The following CYP39A1 variants were observed in gnomAD, a reference collection of about 807,000 sequenced individuals.
CYP39A1 encodes 24-hydroxycholesterol 7-alpha-hydroxylase.
In CYP39A1, 49 loss-of-function variants were observed where a neutral mutation model predicts 58.1. The ratio of observed to expected loss-of-function variants is 0.84; its 90% confidence interval spans 0.67 to 1.07. The LOEUF (loss-of-function observed/expected upper bound fraction) is 1.07, where lower values mean the gene tolerates loss of function less well. CYP39A1 is among the 50% of genes least tolerant of loss of function. The pLI, the probability that CYP39A1 is intolerant of heterozygous loss-of-function variation, is 0.00. For missense variants in CYP39A1, 531 were observed against 539.4 expected, an observed-to-expected ratio of 0.98 and a Z score of 0.16; for synonymous variants, 209 against 187.6, an observed-to-expected ratio of 1.11 and a Z score of -0.93.
Position 46,652,748 on chromosome 6 carries a change from G to A in CYP39A1, c.-166C>T, listed in dbSNP as rs907635499. ...CTTCCTTCCTCTGTCCCAGTTTTCAGGTGATTTTTCCATTGTCGCTCCCTC... is the reference window on the plus strand; with the variant it reads ...CTTCCTTCCTCTGTCCCAGTTTTCAAGTGATTTTTCCATTGTCGCTCCCTC... On this transcript the variant is annotated 5_prime_UTR_variant, in exon 1 of 12. Coordinates refer to ENST00000275016, the MANE Select transcript of CYP39A1 (RefSeq NM_016593.5). The A allele has an allele frequency of 1.7e-6, 1 of 602,832 alleles. No homozygotes were observed. The highest frequency in any genetic ancestry group is 2.8e-5 in the South Asian group (1 of 35,948). The allele number at this position is 602,832 out of a possible 1,614,324, so 37.3% of individuals were successfully genotyped here.
chr6:46,652,368 T>C, intron 1 of CYP39A1, 38 bp downstream of exon 1: 1 of 1,554,540 alleles, frequency 6.4e-7, no homozygotes, highest in African/African-American at 1.4e-5. Context: ...AAGAAAGCAT[T>C]GTCTCCTCTG....
intron 7 of CYP39A1, among the ~76,000 whole-genome samples, chr6:46,607,125 T>G (rs114418020): frequency 1.3e-5 from 2 of 152,122 alleles, no homozygotes; most frequent in African/African-American, 4.8e-5. Flanking sequence ...TACGCCACAT[T>G]GCTTCCTCAA....
chr6:46,642,598 C>A (rs1170455511), intron 1 of CYP39A1, among the ~76,000 whole-genome samples: 1 of 151,902 alleles, frequency 6.6e-6, no homozygotes, highest in African/African-American at 2.4e-5. Flanking sequence ...ATTATATCAA[C>A]ATTGTGACAT....
chr6:46,642,310 C>T lies in CYP39A1; in HGVS notation c.178-12G>A. 1 of 1,607,696 alleles carries T rather than the reference C, an allele frequency of 6.2e-7. No homozygotes were observed. The highest frequency in any genetic ancestry group is 2.2e-5 in the East Asian group (1 of 44,624). On this transcript the variant is annotated splice_polypyrimidine_tract_variant and intron_variant, in intron 1 of 11. Transcript: ENST00000275016. The stretch of plus-strand genomic sequence containing the variant: ...AATATTGGTCCATACTGAAATAAAA[C>T]AAACATAGATTATATTAGTAAGCAT...
chr6:46,571,608 G>A (rs1582311676), intron 10 of CYP39A1, among the ~76,000 whole-genome samples: 1 of 150,500 alleles, frequency 6.6e-6, no homozygotes, highest in South Asian at 2.1e-4. Context: ...GCCTATATGT[G>A]TCCTCAAGGG....
rs182053335 is a variant in CYP39A1, at chr6:46,628,366, G to A, written c.840+2597C>T. The stretch of plus-strand genomic sequence containing the variant: ...ATACTGTGGGAGTTGAGAGTGGGAT[G>A]GGGTAGCAATTGCTACTGAAAGTAT... On this transcript the variant is annotated intron_variant, in intron 6 of 11. Transcript: ENST00000275016. Among the ~76,000 whole-genome samples the A allele has an allele frequency of 5.7e-3, 866 of 152,238 alleles. 10 individuals carry two copies. Among genetic ancestry groups the A allele is most frequent in the African/African-American group, 0.019 (807 of 41,532 alleles).
Position 46,550,354 on chromosome 6 carries a change from G to T in CYP39A1, c.*12C>A. The T allele has an allele frequency of 6.2e-7, 1 of 1,611,608 alleles. No individual in the cohort carries two copies. On this transcript the variant is annotated 3_prime_UTR_variant, in exon 12 of 12. Coordinates refer to ENST00000275016, the MANE Select transcript of CYP39A1 (RefSeq NM_016593.5). ...TCCAGAAGGCCCTGGTCCTTGTGAG[G>T]CCCAACAGATGTCATATTCTTTGTT...
chr6:46,623,056 T>G (rs1775068077), intron 7 of CYP39A1, among the ~76,000 whole-genome samples: 1 of 152,176 alleles, frequency 6.6e-6, no homozygotes, highest in African/African-American at 2.4e-5. Context: ...TGGAAATTCA[T>G]AAAAGACTTT....
In CYP39A1 at chr6:46,631,072, T is replaced by C. The variant is rs1201629367; in HGVS notation, c.733-2A>G. 4 of 1,607,778 alleles carry C rather than the reference T, an allele frequency of 2.5e-6. No individual in the cohort carries two copies. Reference sequence around the variant, plus strand: ...ATCCAGCGTAGCTTGCAATAATGTCTGTTTAAAAGAAATAAACATTGCCAA... The same window carrying C: ...ATCCAGCGTAGCTTGCAATAATGTCCGTTTAAAAGAAATAAACATTGCCAA... On this transcript the variant is annotated splice_acceptor_variant, in intron 5 of 11. Transcript: ENST00000275016. LOFTEE classifies it high-confidence loss of function.
At chr6:46,584,159 T>A (rs1206464960) in intron 10 of CYP39A1, among the ~76,000 whole-genome samples, 1 of 152,156 alleles carries the variant, frequency 6.6e-6, no homozygotes, top group African/African-American at 2.4e-5. Flanking sequence ...AAACATTTCA[T>A]GCATTGGCTG....
rs941409419 is a variant in CYP39A1 at position 46,596,179 on chromosome 6, C to T, written c.932-59G>A. 5.9e-6 allele frequency: 8 copies of T among 1,366,270 alleles called. 1 individual carries two copies. Among genetic ancestry groups the T allele is most frequent in the South Asian group, 4.2e-5 (3 of 72,016 alleles). 84.6% of individuals were successfully genotyped at this position (1,366,270 alleles called of 1,614,324 possible). A position where few individuals can be genotyped will look rare whatever the true frequency, so the allele number is the denominator to read the frequency against. ...CTACAGAGGTCAGAAAGTGATTTCA[C>T]GTAAGCTCATCAGCAGAGGTTAGAT... On this transcript the variant is annotated intron_variant, in intron 7 of 11. Transcript: ENST00000275016.
intron 7 of CYP39A1, among the ~76,000 whole-genome samples, chr6:46,606,378 C>T (rs3799877): frequency 0.13 from 19,072 of 152,128 alleles, 1,244 homozygotes; most frequent in Middle Eastern, 0.19. Context: ...ACTAAGTTTT[C>T]GAATGATTCT....
chr6:46,608,160 T>A (rs1424010156), intron 7 of CYP39A1, among the ~76,000 whole-genome samples: 2 of 152,228 alleles, frequency 1.3e-5, no homozygotes, highest in Non-Finnish European at 2.9e-5. Context: ...TTATAAAAAA[T>A]TAGTGTTTAT....
chr6:46,646,932 C>G (rs1458442569), intron 1 of CYP39A1, among the ~76,000 whole-genome samples: 3 of 151,930 alleles, frequency 2.0e-5, no homozygotes, highest in Non-Finnish European at 4.4e-5. Flanking sequence ...TTGGTGTTTT[C>G]TCTATCAGTC....
intron 7 of CYP39A1, among the ~76,000 whole-genome samples, chr6:46,599,966 AT>A (rs1773388743): frequency 6.6e-6 from 1 of 152,124 alleles, no homozygotes; most frequent in Admixed American, 6.6e-5. Context: ...AAAATCATCC[AT>A]GATAATTCTG....
chr6:46,634,680 C>A (rs1582448390), intron 5 of CYP39A1, among the ~76,000 whole-genome samples: 1 of 152,022 alleles, frequency 6.6e-6, no homozygotes, highest in Admixed American at 6.5e-5. Flanking sequence ...CACCACCATG[C>A]CAGGCTAATT....
At position 46,601,431 on chromosome 6, in the gene CYP39A1, C is replaced by T. The variant is rs561286700; in HGVS notation, c.932-5311G>A. ...CAATACCATTTAGAATTAAATCCAA[C>T]ATTCTCACTTTGGCAAATAAAGCCG... On this transcript the variant is annotated intron_variant, in intron 7 of 11. Transcript: ENST00000275016. Among the ~76,000 whole-genome samples the T allele has an allele frequency of 3.3e-5, 5 of 152,146 alleles. No individual in the cohort carries two copies. The South Asian group carries it at 1.0e-3, about 32-fold the overall frequency.
rs541321537 is a variant in CYP39A1 at position 46,585,241 on chromosome 6, C to A, written c.1250+1836G>T. On this transcript the variant is annotated intron_variant, in intron 10 of 11. Transcript: ENST00000275016. ...TTGGCCCATACTACACACTTCATTG[C>A]AAGACATTTCAGTCATTGGTTTAAA... Among the ~76,000 whole-genome samples, 111 of 152,122 alleles carry A rather than the reference C, an allele frequency of 7.3e-4. 1 individual carries two copies. The highest frequency in any genetic ancestry group is 2.6e-3 in the African/African-American group (106 of 41,524).
At chr6:46,570,308 T>C (rs1771515085) in intron 10 of CYP39A1, among the ~76,000 whole-genome samples, 1 of 152,134 alleles carries the variant, frequency 6.6e-6, no homozygotes, top group South Asian at 2.1e-4. Context: ...TTTTAAATTG[T>C]TTTTCTAGTC....
Sources: gnomAD v4.1 joint callset for allele counts (sites outside exome capture counted in the v4.1 genomes callset) on GRCh38, gnomAD v4.1.1 for gene constraint, MANE v1.5 for transcripts, NCBI Gene and HGNC (gene_info 2026-07-23, HGNC 2026-07-21) for gene names.